Variants in USH2A observed in about 807,000 individuals in gnomAD.
USH2A encodes usherin.
Under a neutral mutation model 538.9 loss-of-function variants are expected in USH2A, and 443 were observed. That is an observed-to-expected ratio of 0.82 (90% CI 0.76 to 0.89). USH2A has a LOEUF of 0.89. Ranked by LOEUF, USH2A falls within the 40% of genes least tolerant of loss-of-function variation. USH2A has a pLI of 0.00. For missense variants in USH2A, 6,633 were observed against 6,324.8 expected (o/e 1.05, Z -1.65); for synonymous variants, 2,413 against 2,273.5 (o/e 1.06, Z -1.75).
In USH2A at chr1:215,790,066, A is replaced by T. The variant is rs757682417; in HGVS notation, c.10175T>A (p.Met3392Lys). The change falls in exon 51 of 72, where the codon ATG (methionine) becomes AAG (lysine). Residue 3392 changes from methionine to lysine, a missense_variant. Met to Lys is a moderately conservative substitution (Grantham distance 95). Coordinates refer to ENST00000307340, the MANE Select transcript of USH2A (RefSeq NM_206933.4). ...AGCTTTTCTATCAATTACCTTCATC[A>T]TCATTCCAGTTGAAATCTTGTCAGA... ...VCSDKISTGMMMKETKECRIL... is the reference protein window; with the variant it reads ...VCSDKISTGMKMKETKECRIL... 1 of 1,613,370 alleles carries T rather than the reference A, an allele frequency of 6.2e-7. No homozygotes were observed. Among genetic ancestry groups the T allele is most frequent in the Admixed American group, 1.7e-5 (1 of 59,950 alleles).
intron 16 of USH2A, among the ~76,000 whole-genome samples, chr1:216,206,398 C>A (rs1005985787): frequency 6.6e-6 from 1 of 152,048 alleles, no homozygotes; most frequent in Non-Finnish European, 1.5e-5. Flanking sequence ...GATTCAAGCG[C>A]ATTATATTTA....
At chr1:215,930,484 G>A (rs1415081208) in intron 38 of USH2A, among the ~76,000 whole-genome samples, 1 of 151,998 alleles carries the variant, frequency 6.6e-6, no homozygotes, top group African/African-American at 2.4e-5. Flanking sequence ...TTCTGAACTT[G>A]AAGATCCTGC....
chr1:215,659,379 G>A (rs752197608), intron 64 of USH2A, among the ~76,000 whole-genome samples: 4 of 152,144 alleles, frequency 2.6e-5, no homozygotes, highest in Non-Finnish European at 4.4e-5. Flanking sequence ...GAAAGCAATG[G>A]GATGAGGACA....
intron 9 of USH2A, among the ~76,000 whole-genome samples, chr1:216,313,361 A>G (rs998539011): frequency 2.0e-5 from 3 of 152,112 alleles, no homozygotes; most frequent in Middle Eastern, 3.2e-3. Context: ...TTCAGTTTTT[A>G]ATGAGCCCTG....
intron 32 of USH2A, among the ~76,000 whole-genome samples, chr1:216,004,025 C>A (rs2102486148): frequency 6.6e-6 from 1 of 152,170 alleles, no homozygotes. Context: ...AAAGAGAAGA[C>A]CCAGAGTTGA....
At chr1:216,234,301 G>A (rs1248272255) in intron 13 of USH2A, among the ~76,000 whole-genome samples, 1 of 152,062 alleles carries the variant, frequency 6.6e-6, no homozygotes, top group African/African-American at 2.4e-5. Context: ...TGCTCAATGA[G>A]AGGAAAAGAA....
At chr1:216,414,438 G>A (rs186859739) in intron 3 of USH2A, among the ~76,000 whole-genome samples, 16 of 151,932 alleles carry the variant, frequency 1.1e-4, no homozygotes, top group African/African-American at 3.9e-4. Context: ...GTTTGTTTAG[G>A]AAATTCGATT....
chr1:215,850,948 G>A (rs1458636540), intron 44 of USH2A, among the ~76,000 whole-genome samples: 1 of 152,088 alleles, frequency 6.6e-6, no homozygotes. Flanking sequence ...AATGATCATT[G>A]GGTCAACAAT....
rs530280659 is a variant in USH2A, at chr1:216,354,561, A to C, written c.784+10392T>G. Among the ~76,000 whole-genome samples, 13 of 152,320 alleles carry C rather than the reference A, an allele frequency of 8.5e-5. No homozygotes were observed. In the South Asian group the frequency reaches 2.7e-3, roughly 32 times the overall value. On this transcript the variant is annotated intron_variant, in intron 4 of 71. Transcript: ENST00000307340. ...GAAGTCTACAAAACGGCCAAATGAAAATACTTGAAATGAAAAGTATAATTT... is the reference window on the plus strand; with the variant it reads ...GAAGTCTACAAAACGGCCAAATGAACATACTTGAAATGAAAAGTATAATTT...
At chr1:216,189,473 T>C (rs1378000831) in intron 20 of USH2A, among the ~76,000 whole-genome samples, 1 of 151,980 alleles carries the variant, frequency 6.6e-6, no homozygotes, top group Admixed American at 6.6e-5. Flanking sequence ...AAAACACTGA[T>C]TTGAAAATAT....
chr1:215,755,018 G>T (rs183652111), intron 58 of USH2A, among the ~76,000 whole-genome samples: 2 of 152,054 alleles, frequency 1.3e-5, no homozygotes, highest in Admixed American at 6.6e-5. Context: ...GTCTTGGCAC[G>T]CCACTACACA....
chr1:215,677,393 T>C (rs1658068439), intron 62 of USH2A, among the ~76,000 whole-genome samples: 1 of 152,140 alleles, frequency 6.6e-6, no homozygotes, highest in African/African-American at 2.4e-5. Flanking sequence ...TAAATAAAAC[T>C]TCCCATCCCA....
chr1:216,282,329 C>T (rs1189746885), intron 11 of USH2A, among the ~76,000 whole-genome samples: 1 of 152,122 alleles, frequency 6.6e-6, no homozygotes, highest in African/African-American at 2.4e-5. Flanking sequence ...TTTGCATCTA[C>T]ATTTTCTTCT....
intron 30 of USH2A, 124 bp downstream of exon 30, chr1:216,069,977 T>A: frequency 8.3e-7 from 1 of 1,207,548 alleles, no homozygotes; most frequent in Non-Finnish European, 1.2e-6. Context: ...GTGTTGTTTT[T>A]AATCAGGTAA....
At chr1:216,008,451 T>C (rs1395854978) in intron 32 of USH2A, among the ~76,000 whole-genome samples, 1 of 152,066 alleles carries the variant, frequency 6.6e-6, no homozygotes, top group Non-Finnish European at 1.5e-5. Flanking sequence ...CTCCCTTCGC[T>C]GACTCTCTTT....
At chr1:215,802,025 CT>C (rs34990803) in intron 49 of USH2A, among the ~76,000 whole-genome samples, 64,332 of 147,454 alleles carry the variant, frequency 0.44, 14,417 homozygotes, top group Admixed American at 0.56. Flanking sequence ...AGGAAAGGAC[CT>C]TTTTTTTTTT....
At chr1:216,246,263 T>C (rs2036043328) in intron 13 of USH2A, among the ~76,000 whole-genome samples, 1 of 152,166 alleles carries the variant, frequency 6.6e-6, no homozygotes, top group Non-Finnish European at 1.5e-5. Flanking sequence ...CTCTGGAAAA[T>C]AAAATTGACT....
chr1:216,247,261 G>A (rs776876860), intron 12 of USH2A, 35 bp from the exon 13 acceptor site: 2 of 1,610,684 alleles, frequency 1.2e-6, no homozygotes, highest in South Asian at 1.1e-5. Flanking sequence ...GTGAGGATGG[G>A]AAAATGATTT....
chr1:216,175,572 T>C, intron 20 of USH2A, 90 bp from the exon 21 acceptor site: 3 of 1,184,630 alleles, frequency 2.5e-6, no homozygotes, highest in Admixed American at 1.8e-5. Flanking sequence ...TGTATTTGTA[T>C]ATATCACACT....
Sources: allele counts gnomAD v4.1 joint callset (sites outside exome capture counted in the v4.1 genomes callset), GRCh38; gene constraint gnomAD v4.1.1; transcripts MANE v1.5; gene names NCBI Gene and HGNC (gene_info 2026-07-23, HGNC 2026-07-21).